Variants in WNT5B observed in about 807,000 individuals in gnomAD.
WNT5B encodes Wnt family member 5B.
Under a neutral mutation model 36.5 loss-of-function variants are expected in WNT5B, and 18 were observed. The ratio of observed to expected loss-of-function variants is 0.49; its 90% confidence interval spans 0.34 to 0.73. The LOEUF is 0.73. Ranked by LOEUF, WNT5B falls within the 30% of genes least tolerant of loss-of-function variation. The pLI, the probability that WNT5B is intolerant of heterozygous loss-of-function variation, is 0.01. For missense variants in WNT5B, 424 were observed against 508.4 expected (o/e 0.83, Z 1.60); for synonymous variants, 213 against 212.3 (o/e 1.00, Z -0.03).
chr12:1,631,734 A>C (rs1039370017), intron 2 of WNT5B, among the ~76,000 whole-genome samples: 1 of 143,940 alleles, frequency 6.9e-6, no homozygotes, highest in African/African-American at 3.0e-5. Flanking sequence ...TGGGTCAACA[A>C]GAATATCAAT....
intron 1 of WNT5B, chr12:1,631,020 T>G (rs1031566410): frequency 1.5e-5 from 3 of 194,440 alleles, no homozygotes; most frequent in African/African-American, 7.0e-5. Flanking sequence ...GCTCCGCTCT[T>G]GAAATTACTT....
chr12:1,624,125 G>A lies in WNT5B; in HGVS notation c.-58+6982G>A, dbSNP rs144047402. Among the ~76,000 whole-genome samples, 519 of 152,284 alleles carry A rather than the reference G, an allele frequency of 3.4e-3. 1 individual carries two copies. Among genetic ancestry groups the A allele is most frequent in the African/African-American group, 0.011 (477 of 41,560 alleles). On this transcript the variant is annotated intron_variant, in intron 1 of 4. Transcript: ENST00000310594. Reference sequence around the variant, plus strand: ...AAAGAGGCTGGGTACCGCGGCTCACGCCTGTAATCCCAGCACTTTGGGAGG... The same window carrying A: ...AAAGAGGCTGGGTACCGCGGCTCACACCTGTAATCCCAGCACTTTGGGAGG...
Position 1,632,525 on chromosome 12 carries a change from A to G in WNT5B, c.81-133A>G. On this transcript the variant is annotated intron_variant, in intron 2 of 4. Transcript: ENST00000397196. The surrounding 1 kb of genome is among the most constrained non-coding windows in gnomAD (Gnocchi z 5.8). ...CCTTTGAAGGCCAGCACTCTGATTT[A>G]CTAATTTTTCTTTCCAGGGCCTTGT... The G allele has an allele frequency of 7.6e-7, 1 of 1,314,428 alleles. No homozygotes were observed. Among genetic ancestry groups the G allele is most frequent in the African/African-American group, 1.5e-5 (1 of 68,022 alleles). 81.4% of individuals were successfully genotyped at this position (1,314,428 alleles called of 1,614,324 possible). A position where few individuals can be genotyped will look rare whatever the true frequency, so the allele number is the denominator to read the frequency against.
intron 1 of WNT5B, among the ~76,000 whole-genome samples, chr12:1,623,716 G>A (rs2094537495): frequency 6.6e-6 from 1 of 152,056 alleles, no homozygotes; most frequent in African/African-American, 2.4e-5. Flanking sequence ...CGTGCACTCT[G>A]TACCTCACCT....
At chr12:1,640,084 G>A (rs2094571999) in intron 4 of WNT5B, 108 bp downstream of exon 4, 8 of 1,318,494 alleles carry the variant, frequency 6.1e-6, no homozygotes, top group African/African-American at 1.5e-5. Context: ...TAGTCTGACC[G>A]TGAAGATTCT....
At position 1,630,151 on chromosome 12, in the gene WNT5B, C is replaced by T; in HGVS notation, c.-58+780C>T. 4.1e-6 allele frequency: 4 copies of T among 985,566 alleles called. No homozygotes were observed. Among genetic ancestry groups the T allele is most frequent in the South Asian group, 4.7e-5 (1 of 21,300 alleles). 61.1% of individuals were successfully genotyped at this position (985,566 alleles called of 1,614,324 possible). Reference sequence around the variant, plus strand: ...TGATGACCCGAAGCACCCGCCGCCCCCTCCCGGGGAGCCTGGGGACGCCGA... The same window carrying T: ...TGATGACCCGAAGCACCCGCCGCCCTCTCCCGGGGAGCCTGGGGACGCCGA... On this transcript the variant is annotated intron_variant, in intron 1 of 4. Transcript: ENST00000397196. This position sits in a 1 kb window ranked among gnomAD's most constrained non-coding sequence, Gnocchi z 5.3.
chr12:1,621,654 G>A (rs1032723632), intron 1 of WNT5B, among the ~76,000 whole-genome samples: 33 of 151,198 alleles, frequency 2.2e-4, no homozygotes, highest in African/African-American at 3.9e-4. Flanking sequence ...TGATCCTCCC[G>A]CTTCAGCCTC....
At position 1,639,789 on chromosome 12, in the gene WNT5B, G is replaced by C. The variant is rs373230963; in HGVS notation, c.434G>C (p.Arg145Pro). 5.6e-6 allele frequency: 9 copies of C among 1,611,496 alleles called. No individual in the cohort carries two copies. In the East Asian group the frequency reaches 6.7e-5, roughly 12 times the overall value. Residue 145 changes from arginine to proline, a missense_variant, in exon 4 of 5, where the codon CGG (arginine) becomes CCG (proline). Physicochemically the swap from Arg to Pro is moderately radical, Grantham distance 103 (BLOSUM62 -2). Transcript: ENST00000397196. ...EGELSTCGCSRTARPKDLPRD... is the reference protein window; with the variant it reads ...EGELSTCGCSPTARPKDLPRD... ...GAGCTCTCCACCTGCGGCTGCAGCC[G>C]GACGGCGCGGCCCAAGGACCTGCCC...
chr12:1,646,317 A>G lies in WNT5B; in HGVS notation c.*65A>G. 7.9e-7 allele frequency: 1 copy of G among 1,261,000 alleles called. No homozygotes were observed. Among genetic ancestry groups the G allele is most frequent in the Non-Finnish European group, 1.0e-6 (1 of 964,926 alleles). 78.1% of individuals were successfully genotyped at this position (1,261,000 alleles called of 1,614,324 possible). The stretch of plus-strand genomic sequence containing the variant: ...ACAAAGGTCTATATTATATAAATCT[A>G]TATAAATCTATTTTATATTTGTATA... On this transcript the variant is annotated 3_prime_UTR_variant, in exon 5 of 5. Coordinates refer to ENST00000397196, the MANE Select transcript of WNT5B (RefSeq NM_032642.3).
chr12:1,621,902 G>T (rs12811969), intron 1 of WNT5B, among the ~76,000 whole-genome samples: 39,282 of 151,894 alleles, frequency 0.26, 5,492 homozygotes, highest in Non-Finnish European at 0.32. Flanking sequence ...TCTGAAAACA[G>T]TGGAAATTAT....
chr12:1,621,426 C>T (rs1272575072), intron 1 of WNT5B, among the ~76,000 whole-genome samples: 4 of 152,120 alleles, frequency 2.6e-5, no homozygotes, highest in Non-Finnish European at 5.9e-5. Context: ...GTGACTGGTC[C>T]CCTATGTCTT....
chr12:1,634,846 T>G (rs2094557692), intron 3 of WNT5B, among the ~76,000 whole-genome samples: 1 of 152,206 alleles, frequency 6.6e-6, no homozygotes, highest in Non-Finnish European at 1.5e-5. Flanking sequence ...CTAGGGAGTT[T>G]GGAGGCAACT....
chr12:1,633,051 A>T lies in WNT5B; in HGVS notation c.328+146A>T. The T allele has an allele frequency of 1.7e-6, 2 of 1,202,270 alleles. No homozygotes were observed. Among genetic ancestry groups the T allele is most frequent in the Non-Finnish European group, 2.3e-6 (2 of 882,786 alleles). The allele number at this position is 1,202,270 out of a possible 1,614,324, so 74.5% of individuals were successfully genotyped here. A position where few individuals can be genotyped will look rare whatever the true frequency, so the allele number is the denominator to read the frequency against. On this transcript the variant is annotated intron_variant, in intron 3 of 4. Transcript: ENST00000397196. This position sits in a 1 kb window ranked among gnomAD's most constrained non-coding sequence, Gnocchi z 4.8. ...AGGCTTGGCAGCAGTGTGCACCACG[A>T]GAGAGGCACACGAGGAAGCAGGCTC...
chr12:1,630,000 C>T, intron 1 of WNT5B: 1 of 490,932 alleles, frequency 2.0e-6, no homozygotes, highest in Non-Finnish European at 2.7e-6. Flanking sequence ...TGCCCCCGCC[C>T]CAGCCGAGGC....
At chr12:1,619,651 C>G (rs1371493170) in intron 1 of WNT5B, among the ~76,000 whole-genome samples, 1 of 146,704 alleles carries the variant, frequency 6.8e-6, no homozygotes, top group South Asian at 2.2e-4. Flanking sequence ...AATAACTGAC[C>G]AAAAAAAAAA....
intron 1 of WNT5B, chr12:1,617,160 T>G (rs2094528055): frequency 6.6e-6 from 1 of 152,190 alleles, no homozygotes; most frequent in African/African-American, 2.4e-5. Context: ...CCATAACTTC[T>G]TATCTAAACT....
chr12:1,626,887 A>G (rs968957990), upstream of WNT5B, among the ~76,000 whole-genome samples: 10 of 152,202 alleles, frequency 6.6e-5, no homozygotes, highest in African/African-American at 2.4e-4. Context: ...TTTAAATTAC[A>G]CATTCTATAG....
At chr12:1,642,126 A>G (rs1432704271) in intron 4 of WNT5B, among the ~76,000 whole-genome samples, 2 of 152,220 alleles carry the variant, frequency 1.3e-5, no homozygotes, top group African/African-American at 4.8e-5. Context: ...ATGATAGGCT[A>G]ACCCAGGGCA....
intron 1 of WNT5B, among the ~76,000 whole-genome samples, chr12:1,623,187 G>GTTTTTTTTTTTTTTTTTTTTTTTT (rs771500550): frequency 6.9e-5 from 4 of 58,366 alleles, no homozygotes; most frequent in African/African-American, 1.4e-4. Context: ...GTTTTTTGTT[G>GTTTTTTTTTTTTTTTTTTTTTTTT]TTTTTTTTTT....
Sources: allele counts gnomAD v4.1 joint callset (sites outside exome capture counted in the v4.1 genomes callset), GRCh38; gene constraint gnomAD v4.1.1; non-coding constraint Gnocchi (gnomAD v3.1); transcripts MANE v1.5; gene names NCBI Gene and HGNC (gene_info 2026-07-23, HGNC 2026-07-21).